TAX1BP1: variants seen among roughly 807,000 people sequenced by gnomAD.
TAX1BP1 encodes tax1-binding protein 1.
In TAX1BP1, 62 loss-of-function variants were observed where a neutral mutation model predicts 97.7. The ratio of observed to expected loss-of-function variants is 0.63; its 90% CI spans 0.52 to 0.78. The LOEUF is 0.78. TAX1BP1 is among the 30% of genes least tolerant of loss of function. TAX1BP1 has a pLI of 0.00. For synonymous variants in TAX1BP1, 340 were observed against 304.2 expected, an observed-to-expected ratio of 1.12 and a Z score of -1.23; for missense variants, 867 against 916.1, an observed-to-expected ratio of 0.95 and a Z score of 0.69.
intron 2 of TAX1BP1, among the ~76,000 whole-genome samples, chr7:27,754,993 C>A (rs918131191): frequency 1.3e-5 from 2 of 152,104 alleles, no homozygotes; most frequent in Non-Finnish European, 2.9e-5. Context: ...ACCATTTTAT[C>A]TCATTGAGGA....
chr7:27,824,892 TAA>T (rs113270934), intron 15 of TAX1BP1, among the ~76,000 whole-genome samples: 6,236 of 152,270 alleles, frequency 0.041, 396 homozygotes, highest in African/African-American at 0.14. Context: ...GTATTCTCAA[TAA>T]AATTTGCTTA....
rs1020024749 is a variant in TAX1BP1 at position 27,811,761 on chromosome 7, C to T, written c.1765-4588C>T. Among the ~76,000 whole-genome samples the T allele has an allele frequency of 3.9e-5, 6 of 152,236 alleles. No homozygotes were observed. The East Asian group carries it at 1.2e-3, about 29-fold the overall frequency. On this transcript the variant is annotated intron_variant, in intron 13 of 16. Coordinates refer to ENST00000396319, the MANE Select transcript of TAX1BP1 (RefSeq NM_006024.7). ...TTCCCTCTTGCTCATTTGCATTCGTCCCCTCCTGCTACCCCCCTGTCCTAG... is the reference window on the plus strand; with the variant it reads ...TTCCCTCTTGCTCATTTGCATTCGTTCCCTCCTGCTACCCCCCTGTCCTAG...
intron 15 of TAX1BP1, among the ~76,000 whole-genome samples, chr7:27,825,752 C>G (rs999993723): frequency 6.6e-6 from 1 of 152,102 alleles, no homozygotes; most frequent in African/African-American, 2.4e-5. Flanking sequence ...TTAGCTGATT[C>G]ATGGAAGCAG....
chr7:27,817,510 A>C (rs1790823192), intron 15 of TAX1BP1, among the ~76,000 whole-genome samples: 1 of 152,170 alleles, frequency 6.6e-6, no homozygotes, highest in African/African-American at 2.4e-5. Flanking sequence ...AAAAAGAGAA[A>C]AGTGTATGTA....
intron 3 of TAX1BP1, among the ~76,000 whole-genome samples, chr7:27,760,431 C>A (rs1238825513): frequency 1.4e-5 from 2 of 143,128 alleles, no homozygotes; most frequent in Non-Finnish European, 3.0e-5. Context: ...CTTGCTCTGT[C>A]TCCCAGGCTG....
chr7:27,816,291 T>C, intron 13 of TAX1BP1, 58 bp from the exon 14 acceptor site: 2 of 1,286,100 alleles, frequency 1.6e-6, no homozygotes, highest in African/African-American at 3.1e-5. Flanking sequence ...TTAATACTGC[T>C]GTATTTATGA....
rs150097211 is a variant in TAX1BP1, at chr7:27,805,726, C to T, written c.1764+5636C>T. ...GTGGCTCATGCCATGAGCCCAGCTACTTGGGAGGCTGAGGTGAGAGAATTG... is the reference window on the plus strand; with the variant it reads ...GTGGCTCATGCCATGAGCCCAGCTATTTGGGAGGCTGAGGTGAGAGAATTG... On this transcript the variant is annotated intron_variant, in intron 13 of 16. Coordinates refer to ENST00000396319, the MANE Select transcript of TAX1BP1 (RefSeq NM_006024.7). Among the ~76,000 whole-genome samples, 1,446 of 152,158 alleles carry T rather than the reference C, an allele frequency of 9.5e-3. 11 individuals are homozygous for T. Among genetic ancestry groups the T allele is most frequent in the Middle Eastern group, 0.017 (5 of 294 alleles).
At chr7:27,804,991 C>T (rs116945162) in intron 13 of TAX1BP1, among the ~76,000 whole-genome samples, 2,352 of 152,254 alleles carry the variant, frequency 0.015, 33 homozygotes, top group South Asian at 0.069. Flanking sequence ...ATTCTATGCA[C>T]ATGTAGTTTT....
Position 27,793,132 on chromosome 7 carries a change from A to T in TAX1BP1, c.1330A>T (p.Met444Leu). The change falls in exon 10 of 17, where the codon ATG (methionine) becomes TTG (leucine). Residue 444 changes from methionine (M) to leucine (L), a missense_variant. Met to Leu is a conservative substitution (Grantham distance 15). Transcript: ENST00000396319. The stretch of plus-strand genomic sequence containing the variant: ...TGAAGATCTGAAACTCCGTCTTCAG[A>T]TGGCTGCAGACCATTATAAAGAAAA... ...EVEDLKLRLQ[M>L]AADHYKEKFK... 1.2e-6 allele frequency: 2 copies of T among 1,605,242 alleles called. No homozygotes were observed. The highest frequency in any genetic ancestry group is 2.2e-5 in the East Asian group (1 of 44,696).
intron 14 of TAX1BP1, among the ~76,000 whole-genome samples, 159 bp from the exon 15 acceptor site, chr7:27,816,731 A>G (rs1790781829): frequency 1.3e-5 from 2 of 152,248 alleles, no homozygotes; most frequent in South Asian, 4.1e-4. Context: ...CTTATTGCAT[A>G]TAGTTCACAA....
Position 27,816,440 on chromosome 7 carries a change from A to G in TAX1BP1, c.1856A>G (p.Gln619Arg), listed in dbSNP as rs755394533. ...SPQCFKTCSE[Q>R]NGYVLTLSNA... ...CAATGTTTCAAAACATGCTCAGAGC[A>G]AAATGGTTATGTTCTCACATTGTCA... The change falls in exon 14 of 17, where the codon CAA becomes CGA. Residue 619 changes from glutamine (Q) to arginine (R), a missense_variant. By Grantham distance (43) the Gln-to-Arg change is conservative. This residue lies in a region of TAX1BP1 where 822 missense variants were observed against 851.4 expected (regional missense o/e 0.97). Coordinates refer to ENST00000396319, the MANE Select transcript of TAX1BP1 (RefSeq NM_006024.7). 1.0e-5 allele frequency: 16 copies of G among 1,571,430 alleles called. No homozygotes were observed. The highest frequency in any genetic ancestry group is 1.7e-4 in the Middle Eastern group (1 of 5,984).
intron 2 of TAX1BP1, 93 bp downstream of exon 2, chr7:27,748,779 G>A: frequency 1.1e-6 from 1 of 939,450 alleles, no homozygotes; most frequent in East Asian, 3.1e-5. Context: ...CCTTAACTCT[G>A]CATTAAGACT....
chr7:27,760,583 A>G (rs112549261), intron 3 of TAX1BP1, among the ~76,000 whole-genome samples: 6,209 of 151,810 alleles, frequency 0.041, 393 homozygotes, highest in African/African-American at 0.14. Context: ...TTTAGTAGAG[A>G]TGGGGTTTCA....
intron 13 of TAX1BP1, among the ~76,000 whole-genome samples, chr7:27,813,145 CTTTTTTT>C (rs57301512): frequency 9.2e-5 from 10 of 108,914 alleles, no homozygotes; most frequent in African/African-American, 2.8e-4. Flanking sequence ...CTTTGTTCTG[CTTTTTTT>C]TTTTTTTTTT....
chr7:27,765,773 T>A, intron 3 of TAX1BP1, 61 bp from the exon 4 acceptor site: 1 of 1,427,326 alleles, frequency 7.0e-7, no homozygotes, highest in Admixed American at 1.8e-5. Context: ...ATTGTTAAAT[T>A]GAAATAACAT....
chr7:27,810,534 T>G (rs559979602), intron 13 of TAX1BP1, among the ~76,000 whole-genome samples: 5 of 152,318 alleles, frequency 3.3e-5, no homozygotes, highest in African/African-American at 1.2e-4. Context: ...CCCATTATTG[T>G]TTTGCTAGAT....
At chr7:27,772,307 G>C (rs553168108) in intron 5 of TAX1BP1, 1 of 151,932 alleles carries the variant, frequency 6.6e-6, no homozygotes, top group Non-Finnish European at 1.5e-5. Flanking sequence ...TTTTAAATCT[G>C]TTCCATGGTG....
chr7:27,790,306 A>G (rs894999916), intron 8 of TAX1BP1, among the ~76,000 whole-genome samples: 3 of 151,524 alleles, frequency 2.0e-5, no homozygotes, highest in Admixed American at 1.3e-4. Flanking sequence ...ATTGTTTTTG[A>G]TTGTTTATAG....
intron 4 of TAX1BP1, among the ~76,000 whole-genome samples, chr7:27,767,944 T>C (rs1052392878): frequency 2.0e-5 from 3 of 152,032 alleles, no homozygotes; most frequent in Admixed American, 6.6e-5. Context: ...CACAAAATTA[T>C]TACAAATGTG....
Sources: allele counts gnomAD v4.1 joint callset (sites outside exome capture counted in the v4.1 genomes callset), GRCh38; gene constraint gnomAD v4.1.1; regional missense constraint gnomAD v4.1.1; transcripts MANE v1.5; gene names NCBI Gene and HGNC (gene_info 2026-07-23, HGNC 2026-07-21).